Variants in KLHL42 observed in about 807,000 individuals in gnomAD.
KLHL42 encodes the protein kelch-like protein 42.
In KLHL42, 27 loss-of-function variants were observed where a neutral mutation model predicts 32.7. The ratio of observed to expected loss-of-function variants is 0.83; its 90% CI spans 0.61 to 1.14. KLHL42 has a LOEUF of 1.14. Among genes scored for constraint, KLHL42 ranks in the 50% most tolerant of loss-of-function variants. KLHL42 has a pLI of 0.00. For missense variants in KLHL42, 491 were observed against 560.8 expected (o/e 0.88, Z 1.26); for synonymous variants, 267 against 248.2 (o/e 1.08, Z -0.71).
rs1019196503 is a variant in KLHL42 at position 27,799,510 on chromosome 12, C to G, written c.*1344C>G. 5.3e-5 allele frequency: 8 copies of G among 152,154 alleles called. No homozygotes were observed. Among genetic ancestry groups the G allele is most frequent in the South Asian group, 4.1e-4 (2 of 4,826 alleles). 9.4% of individuals were successfully genotyped at this position (152,154 alleles called of 1,614,324 possible). On this transcript the variant is annotated 3_prime_UTR_variant, in exon 3 of 3. Transcript: ENST00000381271. ...GCAGTAACAGCGGGCAGAACCATTTCAGTTAGCATGTGCCTCACTTTAAGA... is the reference window on the plus strand; with the variant it reads ...GCAGTAACAGCGGGCAGAACCATTTGAGTTAGCATGTGCCTCACTTTAAGA...
chr12:27,782,240 C>T (rs999286355), intron 1 of KLHL42, among the ~76,000 whole-genome samples: 8 of 152,084 alleles, frequency 5.3e-5, no homozygotes, highest in Admixed American at 3.3e-4. Context: ...TTATTTGACT[C>T]GAGGGTCCTC....
chr12:27,795,638 AAGTT>A (rs1195996513), intron 2 of KLHL42, among the ~76,000 whole-genome samples: 3 of 151,718 alleles, frequency 2.0e-5, no homozygotes, highest in Non-Finnish European at 4.4e-5. Context: ...AAAAAAGAAA[AAGTT>A]AGTTTTTAGC....
Position 27,781,116 on chromosome 12 carries a change from G to A in KLHL42, c.786G>A (p.Arg262=), listed in dbSNP as rs573217515. 1.2e-6 allele frequency: 2 copies of A among 1,614,140 alleles called. No homozygotes were observed. The highest frequency in any genetic ancestry group is 2.7e-5 in the African/African-American group (2 of 75,052). Residue 262 remains arginine, a synonymous_variant, in exon 1 of 3, where the codon AGG becomes AGA. Coordinates refer to ENST00000381271, the MANE Select transcript of KLHL42 (RefSeq NM_020782.2). ...DNYLFIVGGY[R]ITSQEISAAH... ...ACCTCTTCATAGTGGGCGGGTACAG[G>A]ATCACTAGCCAGGAGATCTCCGCTG...
intron 1 of KLHL42, among the ~76,000 whole-genome samples, chr12:27,791,213 T>A (rs527549596): frequency 9.2e-5 from 14 of 152,216 alleles, no homozygotes; most frequent in African/African-American, 3.4e-4. Context: ...TGTGCAAGGA[T>A]CTCCTGACCT....
chr12:27,791,684 TG>T, intron 1 of KLHL42, 23 bp from the exon 2 acceptor site: 1 of 1,587,634 alleles, frequency 6.3e-7, no homozygotes, highest in Non-Finnish European at 8.6e-7. Context: ...ACTAACTCTG[TG>T]GGCCTTTGTG....
intron 1 of KLHL42, among the ~76,000 whole-genome samples, chr12:27,783,989 A>G (rs2062160217): frequency 6.6e-6 from 1 of 152,126 alleles, no homozygotes; most frequent in Non-Finnish European, 1.5e-5. Flanking sequence ...TTCCATTTGC[A>G]TTGGATGTTT....
intron 1 of KLHL42, among the ~76,000 whole-genome samples, chr12:27,783,613 G>T (rs529505802): frequency 6.6e-6 from 1 of 151,606 alleles, no homozygotes; most frequent in African/African-American, 2.4e-5. Flanking sequence ...ACGGAGTCTC[G>T]CTCTGTCGCC....
At chr12:27,791,558 C>A in intron 1 of KLHL42, 150 bp from the exon 2 acceptor site, 1 of 693,220 alleles carries the variant, frequency 1.4e-6, no homozygotes, top group Non-Finnish European at 2.6e-6. Flanking sequence ...AGAAGCCATC[C>A]TTTCCTCCTC....
At chr12:27,789,709 G>T (rs903245640) in intron 1 of KLHL42, among the ~76,000 whole-genome samples, 2 of 152,132 alleles carry the variant, frequency 1.3e-5, no homozygotes, top group Admixed American at 6.6e-5. Flanking sequence ...CACAGAGAGG[G>T]CATCATGGTT....
Position 27,800,211 on chromosome 12 carries a change from C to A in KLHL42, c.*2045C>A. ...ATATCAAATACAATATTCCAGCCAA[C>A]CAGTTAATTCTCTTCCTGGTTACAT... On this transcript the variant is annotated 3_prime_UTR_variant, in exon 3 of 3. Transcript: ENST00000381271. The A allele has an allele frequency of 1.0e-6, 1 of 985,350 alleles. No homozygotes were observed. Among genetic ancestry groups the A allele is most frequent in the East Asian group, 1.1e-4 (1 of 8,816 alleles). 61.0% of individuals were successfully genotyped at this position (985,350 alleles called of 1,614,324 possible). A position where few individuals can be genotyped will look rare whatever the true frequency, so the allele number is the denominator to read the frequency against.
intron 2 of KLHL42, among the ~76,000 whole-genome samples, chr12:27,793,840 A>G (rs1441262223): frequency 1.3e-5 from 2 of 152,196 alleles, no homozygotes; most frequent in Admixed American, 6.5e-5. Context: ...TTGTGGTACC[A>G]TATGGGCAGG....
intron 2 of KLHL42, among the ~76,000 whole-genome samples, chr12:27,792,661 T>C (rs984947766): frequency 1.3e-5 from 2 of 152,078 alleles, no homozygotes; most frequent in African/African-American, 2.4e-5. Flanking sequence ...GTAGCTGGGA[T>C]TACAGGCTGC....
rs2062230860 is a variant in KLHL42 at position 27,798,710 on chromosome 12, G to A, written c.*544G>A. ...ATTTTGTTTGCACACTACTTTTTAG[G>A]AAACTTATAATGATGGAGCCCTACA... On this transcript the variant is annotated 3_prime_UTR_variant, in exon 3 of 3. Transcript: ENST00000381271. 1 of 151,864 alleles carries A rather than the reference G, an allele frequency of 6.6e-6. No homozygotes were observed. The highest frequency in any genetic ancestry group is 2.4e-5 in the African/African-American group (1 of 41,104). The allele number at this position is 151,864 out of a possible 1,614,324, so 9.4% of individuals were successfully genotyped here.
Position 27,780,961 on chromosome 12 carries a change from C to A in KLHL42, c.631C>A (p.Pro211Thr), listed in dbSNP as rs1187256605. 6.2e-7 allele frequency: 1 copy of A among 1,600,728 alleles called. No homozygotes were observed. Residue 211 changes from proline (P) to threonine (T), a missense_variant, in exon 1 of 3, where the codon CCC becomes ACC. Physicochemically the swap from Pro to Thr is conservative, Grantham distance 38 (BLOSUM62 -1). Transcript: ENST00000381271. The surrounding 1 kb of genome is among the most constrained non-coding windows in gnomAD (Gnocchi z 8.8). The stretch of plus-strand genomic sequence containing the variant: ...CCTGGGGGGACCCCTGGCCCCTCAC[C>A]CCTACCAGGGGGAGCCCCCGTCCAT... ...DFLGGPLAPH[P>T]YQGEPPSMLR...
In KLHL42 at chr12:27,801,368, G is replaced by C. The variant is rs2062246739; in HGVS notation, c.*3202G>C. On this transcript the variant is annotated 3_prime_UTR_variant, in exon 3 of 3. Coordinates refer to ENST00000381271, the MANE Select transcript of KLHL42 (RefSeq NM_020782.2). ...CTGTTGCCTATTGAGCATTGTGGATGATGTGTTTTCAGATTTCCAGGTGAA... is the reference window on the plus strand; with the variant it reads ...CTGTTGCCTATTGAGCATTGTGGATCATGTGTTTTCAGATTTCCAGGTGAA... The C allele has an allele frequency of 1.3e-5, 2 of 152,224 alleles. No individual in the cohort carries two copies. The highest frequency in any genetic ancestry group is 2.9e-5 in the Non-Finnish European group (2 of 68,050). 9.4% of individuals were successfully genotyped at this position (152,224 alleles called of 1,614,324 possible).
At chr12:27,782,359 C>G (rs1362803988) in intron 1 of KLHL42, among the ~76,000 whole-genome samples, 1 of 151,974 alleles carries the variant, frequency 6.6e-6, no homozygotes, top group East Asian at 1.9e-4. Flanking sequence ...TTACAGAAAA[C>G]TGGAAAATGG....
intron 2 of KLHL42, 88 bp downstream of exon 2, chr12:27,791,989 C>T (rs1049145316): frequency 3.1e-5 from 33 of 1,062,420 alleles, no homozygotes; most frequent in Admixed American, 5.5e-5. Flanking sequence ...GAAGCCCCGA[C>T]ATATCCGAGT....
Position 27,799,538 on chromosome 12 carries a change from G to T in KLHL42, c.*1372G>T, listed in dbSNP as rs2062235015. 6.6e-6 allele frequency: 1 copy of T among 152,128 alleles called. No individual in the cohort carries two copies. The highest frequency in any genetic ancestry group is 6.5e-5 in the Admixed American group (1 of 15,268). The allele number at this position is 152,128 out of a possible 1,614,324, so 9.4% of individuals were successfully genotyped here. A position where few individuals can be genotyped will look rare whatever the true frequency, so the allele number is the denominator to read the frequency against. On this transcript the variant is annotated 3_prime_UTR_variant, in exon 3 of 3. Transcript: ENST00000381271. ...TTAGCATGTGCCTCACTTTAAGAAA[G>T]TCCTGTAGGGGAAAAAAAAAACTGT...
intron 1 of KLHL42, among the ~76,000 whole-genome samples, chr12:27,785,172 A>G (rs2062166838): frequency 6.6e-6 from 1 of 152,134 alleles, no homozygotes; most frequent in Admixed American, 6.5e-5. Context: ...GAAGGGAGGA[A>G]ATGTTGCCAG....
Sources: allele counts gnomAD v4.1 joint callset (sites outside exome capture counted in the v4.1 genomes callset), GRCh38; gene constraint gnomAD v4.1.1; non-coding constraint Gnocchi (gnomAD v3.1); transcripts MANE v1.5; gene names NCBI Gene and HGNC (gene_info 2026-07-23, HGNC 2026-07-21).